The following CSNK2A1 variants were observed in gnomAD, a reference collection of about 807,000 sequenced individuals.
CSNK2A1 encodes casein kinase 2 alpha 1, also known as casein kinase II subunit alpha.
A neutral mutation model predicts 62.9 loss-of-function variants in CSNK2A1; 10 were observed. The ratio of observed to expected loss-of-function variants is 0.16; its 90% CI spans 0.10 to 0.27. The LOEUF (loss-of-function observed/expected upper bound fraction) is 0.27, where lower values mean the gene tolerates loss of function less well. CSNK2A1 is among the 10% of genes least tolerant of loss of function. CSNK2A1 has a pLI of 1.00. For missense variants in CSNK2A1, 160 were observed against 492.0 expected, an observed-to-expected ratio of 0.33 and a Z score of 6.38; for synonymous variants, 124 against 167.8, an observed-to-expected ratio of 0.74 and a Z score of 2.02.
In CSNK2A1 at chr20:508,594, A is replaced by G. The variant is rs767050571; in HGVS notation, c.-43T>C. ...ACAAAGCTGGACTTGATGTTTGGAG[A>G]TCTGGCAGTCACTGTGTTCAGAAGC... On this transcript the variant is annotated 5_prime_UTR_variant, in exon 3 of 14. Transcript: ENST00000217244. The G allele has an allele frequency of 6.3e-7, 1 of 1,576,228 alleles. No individual in the cohort carries two copies. Among genetic ancestry groups the G allele is most frequent in the Non-Finnish European group, 8.7e-7 (1 of 1,149,368 alleles).
chr20:480,457 CAT>C lies in CSNK2A1; in HGVS notation c.*3502_*3503del, dbSNP rs1327091245. 1 of 151,320 alleles carries C rather than the reference CAT, an allele frequency of 6.6e-6. No homozygotes were observed. The highest frequency in any genetic ancestry group is 1.5e-5 in the Non-Finnish European group (1 of 67,954). The allele number at this position is 151,320 out of a possible 1,614,324, so 9.4% of individuals were successfully genotyped here. ...AAACAAAAGGTTTTAATGAGGATTG[CAT>C]AAGACATGCAAGGTCACCAGGGAGT... On this transcript the variant is annotated 3_prime_UTR_variant, in exon 14 of 14. Transcript: ENST00000217244.
At chr20:527,001 C>CAGATAGAGAGAG (rs1197678638) in intron 2 of CSNK2A1, 1 of 97,812 alleles carries the variant, frequency 1.0e-5, no homozygotes, top group African/African-American at 4.1e-5. Flanking sequence ...GAGAGACAGA[C>CAGATAGAGAGAG]AGAGAGAGAG....
At chr20:488,479 T>TG (rs1189848909) in intron 11 of CSNK2A1, 199 bp downstream of exon 11, 2 of 517,656 alleles carry the variant, frequency 3.9e-6, no homozygotes, top group Admixed American at 3.7e-5. Flanking sequence ...ATCAGACTCC[T>TG]GTAAGTTAAT....
chr20:493,333 A>T (rs982058476), intron 8 of CSNK2A1, among the ~76,000 whole-genome samples: 5 of 152,198 alleles, frequency 3.3e-5, no homozygotes, highest in African/African-American at 1.2e-4. Context: ...ATATTGCCAT[A>T]GCCCCTTCTC....
At chr20:501,610 C>T (rs1355657250) in intron 4 of CSNK2A1, 1 of 152,092 alleles carries the variant, frequency 6.6e-6, no homozygotes, top group Non-Finnish European at 1.5e-5. Context: ...TACAGCATAT[C>T]TCAATTCAGC....
chr20:526,633 A>T (rs1473099119), intron 2 of CSNK2A1: 1 of 151,676 alleles, frequency 6.6e-6, no homozygotes, highest in East Asian at 1.9e-4. Context: ...GGAAGAAATT[A>T]AAAATGTAAG....
At chr20:485,105 A>ATAATAATAATAATAAT (rs2018060075) in intron 13 of CSNK2A1, among the ~76,000 whole-genome samples, 1 of 21,304 alleles carries the variant, frequency 4.7e-5, no homozygotes, top group African/African-American at 1.5e-4. Context: ...AAAAAAAAAA[A>ATAATAATAATAATAAT]AAAAATATAT....
At chr20:531,765 G>A (rs367647902) in intron 1 of CSNK2A1, among the ~76,000 whole-genome samples, 4 of 152,180 alleles carry the variant, frequency 2.6e-5, no homozygotes, top group African/African-American at 9.7e-5. Context: ...AGAAGACAAT[G>A]TATCCTAGGC....
chr20:533,686 A>G (rs968818879), intron 1 of CSNK2A1, among the ~76,000 whole-genome samples: 3 of 152,244 alleles, frequency 2.0e-5, no homozygotes, highest in African/African-American at 7.2e-5. Context: ...GAAGTACAGT[A>G]AAACAGAAAA....
chr20:487,146 G>A (rs901732328), intron 12 of CSNK2A1: 6 of 452,820 alleles, frequency 1.3e-5, no homozygotes, highest in Non-Finnish European at 2.4e-5. Flanking sequence ...ACAGGGCTGT[G>A]TATTCTAATT....
chr20:490,605 C>T (rs1019014607), intron 9 of CSNK2A1, among the ~76,000 whole-genome samples: 2 of 150,988 alleles, frequency 1.3e-5, no homozygotes, highest in South Asian at 4.2e-4. Context: ...AGGGTTTCAC[C>T]ATCTTGGCCA....
At chr20:484,253 C>A (rs1169118157) in intron 13 of CSNK2A1, among the ~76,000 whole-genome samples, 177 bp from the exon 14 acceptor site, 2 of 152,176 alleles carry the variant, frequency 1.3e-5, no homozygotes. Context: ...AGTGGCAAGT[C>A]CTAATCAATT....
intron 2 of CSNK2A1, among the ~76,000 whole-genome samples, chr20:522,333 T>G (rs984673643): frequency 6.6e-6 from 1 of 152,250 alleles, no homozygotes; most frequent in Non-Finnish European, 1.5e-5. Flanking sequence ...ATATCACTAG[T>G]GTTAAGTCAC....
chr20:513,329 C>G (rs991246446), intron 2 of CSNK2A1, among the ~76,000 whole-genome samples: 13 of 152,176 alleles, frequency 8.5e-5, no homozygotes, highest in Non-Finnish European at 1.6e-4. Context: ...TAAAACCTGT[C>G]TAACTGTGCT....
chr20:493,094 T>C (rs184361418), intron 8 of CSNK2A1, among the ~76,000 whole-genome samples: 136 of 152,284 alleles, frequency 8.9e-4, no homozygotes, highest in Non-Finnish European at 1.6e-3. Context: ...AACTAAACCT[T>C]TGATTACTCC....
chr20:535,923 A>G (rs1038440083), intron 1 of CSNK2A1, among the ~76,000 whole-genome samples: 2 of 152,158 alleles, frequency 1.3e-5, no homozygotes, highest in East Asian at 1.9e-4. Context: ...CCTAACACAC[A>G]ATATTCAAGC....
intron 2 of CSNK2A1, among the ~76,000 whole-genome samples, chr20:523,883 T>TAAAAAAAAAAAA (rs2019007093): frequency 8.7e-6 from 1 of 114,304 alleles, no homozygotes; most frequent in African/African-American, 3.6e-5. Flanking sequence ...AAAAAAAAAC[T>TAAAAAAAAAAAA]GTAGTAACTC....
At chr20:518,933 CTT>C (rs796982756) in intron 2 of CSNK2A1, among the ~76,000 whole-genome samples, 66 of 123,642 alleles carry the variant, frequency 5.3e-4, no homozygotes, top group Admixed American at 7.6e-4. Flanking sequence ...GTTGGATATA[CTT>C]TTTTTTTTTT....
At chr20:533,173 C>G (rs2122647057) in intron 1 of CSNK2A1, among the ~76,000 whole-genome samples, 1 of 152,298 alleles carries the variant, frequency 6.6e-6, no homozygotes, top group South Asian at 2.1e-4. Flanking sequence ...GTTCCCTTGA[C>G]TCTCTGACCT....
Sources: allele counts gnomAD v4.1 joint callset (sites outside exome capture counted in the v4.1 genomes callset), GRCh38; gene constraint gnomAD v4.1.1; transcripts MANE v1.5; gene names NCBI Gene and HGNC (gene_info 2026-07-23, HGNC 2026-07-21).